ARHGAP31: variants seen among roughly 807,000 people sequenced by gnomAD.
ARHGAP31 encodes Rho GTPase activating protein 31.
ARHGAP31 carries 34 observed loss-of-function variants against 113.9 expected under a neutral mutation model. The ratio of observed to expected loss-of-function variants is 0.30; its 90% CI spans 0.23 to 0.40. The LOEUF (loss-of-function observed/expected upper bound fraction) is 0.40, where lower values mean the gene tolerates loss of function less well. Ranked by LOEUF, ARHGAP31 falls within the 10% of genes least tolerant of loss-of-function variation. ARHGAP31 has a pLI of 1.00. For missense variants in ARHGAP31, 1,548 were observed against 1,767.1 expected (o/e 0.88, Z 2.22); for synonymous variants, 650 against 684.8 (o/e 0.95, Z 0.79).
At chr3:119,323,690 G>T (rs1230787573) in intron 1 of ARHGAP31, among the ~76,000 whole-genome samples, 1 of 152,180 alleles carries the variant, frequency 6.6e-6, no homozygotes, top group Non-Finnish European at 1.5e-5. Flanking sequence ...CGTTACCTGG[G>T]CTGTGGCTGA....
chr3:119,399,201 G>A lies in ARHGAP31; in HGVS notation c.1009G>A (p.Glu337Lys). 1 of 1,613,382 alleles carries A rather than the reference G, an allele frequency of 6.2e-7. No individual in the cohort carries two copies. The highest frequency in any genetic ancestry group is 8.5e-7 in the Non-Finnish European group (1 of 1,179,366). Residue 337 changes from glutamate to lysine, a missense_variant and splice_region_variant, in exon 9 of 12, where the codon GAA (glutamate) becomes AAA (lysine). Glu to Lys is a moderately conservative substitution (Grantham distance 56). Transcript: ENST00000264245. Reference protein sequence around the residue: ...VFVRGQRLSVEKATIRPAKSM... With the variant: ...VFVRGQRLSVKKATIRPAKSM... ...GATATTTTTTCTTTTGTCTTTAGTGGAAAAGGCTACTATCCGACCAGCTAA... is the reference window on the plus strand; with the variant it reads ...GATATTTTTTCTTTTGTCTTTAGTGAAAAAGGCTACTATCCGACCAGCTAA...
chr3:119,401,207 C>T (rs1295267622), intron 9 of ARHGAP31, among the ~76,000 whole-genome samples: 1 of 151,368 alleles, frequency 6.6e-6, no homozygotes, highest in African/African-American at 2.4e-5. Flanking sequence ...CACAACTGTG[C>T]TTTCTAACAG....
Position 119,399,079 on chromosome 3 carries a change from T to A in ARHGAP31, c.1007-120T>A, listed in dbSNP as rs1577029159. 4.9e-5 allele frequency: 40 copies of A among 817,168 alleles called. No homozygotes were observed. In the East Asian group the frequency reaches 1.1e-3, roughly 22 times the overall value. The allele number at this position is 817,168 out of a possible 1,614,324, so 50.6% of individuals were successfully genotyped here. On this transcript the variant is annotated intron_variant, in intron 8 of 11. Coordinates refer to ENST00000264245, the MANE Select transcript of ARHGAP31 (RefSeq NM_020754.4). ...AGAGGAATGTTTCCAAGGGGATCAA[T>A]TATACTTGAAAAACTTTCCTAAAGA...
rs748485620 is a variant in ARHGAP31, at chr3:119,414,335, C to T, written c.2406C>T (p.Gly802=). The T allele has an allele frequency of 3.1e-6, 5 of 1,614,192 alleles. No individual in the cohort carries two copies. Among genetic ancestry groups the T allele is most frequent in the Admixed American group, 3.3e-5 (2 of 60,014 alleles). The part of the protein sequence containing the change: ...EESTPVLLSK[G]GPEREDSSRK... ...CAACTCCAGTCCTGCTTTCAAAGGG[C>T]GGCCCGGAAAGAGAAGACTCATCCA... The change falls in exon 12 of 12, where the codon GGC becomes GGT. Residue 802 remains glycine, a synonymous_variant. Transcript: ENST00000264245.
chr3:119,402,620 T>C (rs1224916524), intron 10 of ARHGAP31, among the ~76,000 whole-genome samples: 1 of 152,222 alleles, frequency 6.6e-6, no homozygotes. Flanking sequence ...AATAATTATG[T>C]TAATAATACC....
chr3:119,328,629 CTT>C (rs1559968416), intron 1 of ARHGAP31, among the ~76,000 whole-genome samples: 5 of 151,972 alleles, frequency 3.3e-5, no homozygotes, highest in African/African-American at 9.7e-5. Context: ...GAAACTCCAC[CTT>C]TTTCTTTCTT....
chr3:119,373,828 A>G (rs2080324195), intron 3 of ARHGAP31, among the ~76,000 whole-genome samples: 1 of 152,232 alleles, frequency 6.6e-6, no homozygotes, highest in Non-Finnish European at 1.5e-5. Context: ...CGAAAGTCAT[A>G]TGAAATTACT....
intron 1 of ARHGAP31, among the ~76,000 whole-genome samples, chr3:119,357,928 A>G (rs1000769940): frequency 1.3e-5 from 2 of 152,252 alleles, no homozygotes; most frequent in Non-Finnish European, 2.9e-5. Context: ...CCAATAACCA[A>G]TGATGAAGGA....
chr3:119,300,272 T>G (rs888281520), intron 1 of ARHGAP31, among the ~76,000 whole-genome samples: 3 of 152,228 alleles, frequency 2.0e-5, no homozygotes, highest in Non-Finnish European at 4.4e-5. Flanking sequence ...TAAGTGTAGC[T>G]ATTATCATGG....
At chr3:119,332,627 TCTCTCTCTCA>T (rs1454077635) in intron 1 of ARHGAP31, among the ~76,000 whole-genome samples, 46 of 121,414 alleles carry the variant, frequency 3.8e-4, no homozygotes, top group African/African-American at 4.4e-4. Flanking sequence ...TCTCTCTCTC[TCTCTCTCTCA>T]CACACACACA....
chr3:119,390,741 G>A (rs751478422), intron 6 of ARHGAP31, 44 bp from the exon 7 acceptor site: 2 of 1,583,702 alleles, frequency 1.3e-6, no homozygotes, highest in Non-Finnish European at 8.6e-7. Flanking sequence ...TGGATGTGAT[G>A]GGCAGGCCTC....
intron 9 of ARHGAP31, among the ~76,000 whole-genome samples, chr3:119,399,806 T>C (rs1425833569): frequency 2.0e-5 from 3 of 152,252 alleles, no homozygotes; most frequent in Non-Finnish European, 4.4e-5. Context: ...GTATCAGCCA[T>C]GTGCAAACCA....
intron 1 of ARHGAP31, among the ~76,000 whole-genome samples, chr3:119,332,594 C>G (rs1170719168): frequency 6.8e-6 from 1 of 146,414 alleles, no homozygotes; most frequent in Non-Finnish European, 1.5e-5. Flanking sequence ...ATCTCTTTCT[C>G]TCTCTCTCTT....
At chr3:119,379,569 T>C (rs1283492794) in intron 3 of ARHGAP31, among the ~76,000 whole-genome samples, 1 of 150,778 alleles carries the variant, frequency 6.6e-6, no homozygotes, top group Non-Finnish European at 1.5e-5. Flanking sequence ...TTGGGTTGTA[T>C]GGCAAAGGGC....
chr3:119,350,560 G>T, intron 1 of ARHGAP31, among the ~76,000 whole-genome samples: 1 of 152,108 alleles, frequency 6.6e-6, no homozygotes, highest in South Asian at 2.1e-4. Flanking sequence ...AAGCAAAAGG[G>T]ATTTCTCACT....
rs2080752634 is a variant in ARHGAP31 at position 119,414,434 on chromosome 3, G to C, written c.2505G>C (p.Gln835His). ...GCCCTGAGATCTCTAGCCTCTGTCAGGGAGAGGAGGCAACCCCAAGACACA... is the reference window on the plus strand; with the variant it reads ...GCCCTGAGATCTCTAGCCTCTGTCACGGAGAGGAGGCAACCCCAAGACACA... ...QDSPEISSLC[Q>H]GEEATPRHSD... Residue 835 changes from glutamine to histidine, a missense_variant, in exon 12 of 12, where the codon CAG becomes CAC. Physicochemically the swap from Gln to His is conservative, Grantham distance 24. Coordinates refer to ENST00000264245, the MANE Select transcript of ARHGAP31 (RefSeq NM_020754.4). 1 of 1,614,102 alleles carries C rather than the reference G, an allele frequency of 6.2e-7. No individual in the cohort carries two copies. Among genetic ancestry groups the C allele is most frequent in the African/African-American group, 1.3e-5 (1 of 74,930 alleles).
At position 119,294,911 on chromosome 3, in the gene ARHGAP31, A is replaced by G. The variant is rs779802431; in HGVS notation, c.7A>G (p.Asn3Asp). 6.2e-7 allele frequency: 1 copy of G among 1,614,040 alleles called. No individual in the cohort carries two copies. Among genetic ancestry groups the G allele is most frequent in the Non-Finnish European group, 8.5e-7 (1 of 1,179,986 alleles). MK[N>D]KGAKQKLKRK... Reference sequence around the variant, plus strand: ...GCCTCTTTGGGACTAACTCATGAAGAACAAGGGTGCTAAGCAGAAGCTGAA... The same window carrying G: ...GCCTCTTTGGGACTAACTCATGAAGGACAAGGGTGCTAAGCAGAAGCTGAA... Residue 3 changes from asparagine (N) to aspartate (D), a missense_variant, in exon 1 of 12, where the codon AAC becomes GAC. Transcript: ENST00000264245.
At chr3:119,324,423 A>G (rs2079822937) in intron 1 of ARHGAP31, among the ~76,000 whole-genome samples, 1 of 152,222 alleles carries the variant, frequency 6.6e-6, no homozygotes, top group African/African-American at 2.4e-5. Flanking sequence ...TGAATTGTCC[A>G]TTCTGTTATG....
intron 1 of ARHGAP31, among the ~76,000 whole-genome samples, chr3:119,304,091 G>A (rs1478832498): frequency 6.6e-6 from 1 of 152,114 alleles, no homozygotes; most frequent in African/African-American, 2.4e-5. Context: ...ACCGCACCCG[G>A]CCTCTTTTCA....
Sources: gnomAD v4.1 joint callset for allele counts (sites outside exome capture counted in the v4.1 genomes callset) on GRCh38, gnomAD v4.1.1 for gene constraint, MANE v1.5 for transcripts, NCBI Gene and HGNC (gene_info 2026-07-23, HGNC 2026-07-21) for gene names.